The following PTGER4 variants were observed in gnomAD, a reference collection of about 807,000 sequenced individuals.
PTGER4 encodes prostaglandin E2 receptor EP4 subtype.
Under a neutral mutation model 33.2 loss-of-function variants are expected in PTGER4, and 11 were observed. The observed-to-expected ratio is 0.33, with a 90% CI of 0.21 to 0.55. The LOEUF (loss-of-function observed/expected upper bound fraction) is 0.55. PTGER4 is among the 20% of genes least tolerant of loss of function. The probability of loss-of-function intolerance (pLI) is 0.92; values close to 1 mark genes in which losing one functional copy is unlikely to be tolerated. For missense variants in PTGER4, 481 were observed against 650.2 expected (o/e 0.74, Z 2.83); for synonymous variants, 275 against 281.5 (o/e 0.98, Z 0.23).
At chr5:40,734,983 C>T in the PTGER4 span, among the ~76,000 whole-genome samples, 1 of 152,168 alleles carries the variant, frequency 6.6e-6, no homozygotes, top group Admixed American at 6.5e-5. Context: ...AAGCTGAGAC[C>T]TGAGTGACAA....
chr5:40,706,330 G>C, the PTGER4 span, among the ~76,000 whole-genome samples: 1 of 152,120 alleles, frequency 6.6e-6, no homozygotes, highest in Non-Finnish European at 1.5e-5. Flanking sequence ...CTACCTGAGT[G>C]GGGAGGGTGG....
chr5:40,742,903 G>A, the PTGER4 span, among the ~76,000 whole-genome samples: 5 of 152,184 alleles, frequency 3.3e-5, no homozygotes, highest in Admixed American at 6.5e-5. Context: ...TTATAAAAAC[G>A]TTTTTAGCCA....
At chr5:40,712,548 T>C in the PTGER4 span, among the ~76,000 whole-genome samples, 2 of 152,190 alleles carry the variant, frequency 1.3e-5, no homozygotes, top group Non-Finnish European at 2.9e-5. Context: ...TAGACAGACC[T>C]GCTTACTAAG....
rs1741476051 is a variant in PTGER4 at position 40,691,707 on chromosome 5, G to A, written c.868-72G>A. ...AAGGCAGCTTCCTAATATTGATAAGGTAGACATAGCATTTATATGTTTTCC... is the reference window on the plus strand; with the variant it reads ...AAGGCAGCTTCCTAATATTGATAAGATAGACATAGCATTTATATGTTTTCC... On this transcript the variant is annotated intron_variant, in intron 2 of 2. Coordinates refer to ENST00000302472, the MANE Select transcript of PTGER4 (RefSeq NM_000958.3). The surrounding 1 kb of genome is among the most constrained non-coding windows in gnomAD (Gnocchi z 4.2). 2.0e-6 allele frequency: 3 copies of A among 1,526,832 alleles called. No individual in the cohort carries two copies. Among genetic ancestry groups the A allele is most frequent in the Non-Finnish European group, 2.6e-6 (3 of 1,132,092 alleles). The allele number at this position is 1,526,832 out of a possible 1,614,324, so 94.6% of individuals were successfully genotyped here.
At chr5:40,704,348 G>A in the PTGER4 span, among the ~76,000 whole-genome samples, 1 of 152,152 alleles carries the variant, frequency 6.6e-6, no homozygotes, top group Non-Finnish European at 1.5e-5. Flanking sequence ...AATAGTAAGA[G>A]CCATCTATGA....
chr5:40,746,385 T>C, the PTGER4 span, among the ~76,000 whole-genome samples: 1 of 151,288 alleles, frequency 6.6e-6, no homozygotes, highest in Non-Finnish European at 1.5e-5. Flanking sequence ...AAATACCTAT[T>C]TTTTTTTATG....
the PTGER4 span, among the ~76,000 whole-genome samples, chr5:40,705,601 T>C: frequency 1.6e-4 from 25 of 152,114 alleles, no homozygotes; most frequent in Non-Finnish European, 7.4e-5. Context: ...ATATCCAGCA[T>C]CTATAAGGAA....
At chr5:40,739,716 G>T in the PTGER4 span, among the ~76,000 whole-genome samples, 3 of 152,290 alleles carry the variant, frequency 2.0e-5, no homozygotes, top group Admixed American at 1.3e-4. Context: ...ACAGAACCGT[G>T]AGCCAATTAA....
chr5:40,724,045 A>T, the PTGER4 span, among the ~76,000 whole-genome samples: 1 of 152,248 alleles, frequency 6.6e-6, no homozygotes, highest in Non-Finnish European at 1.5e-5. Flanking sequence ...TATCCAAAAG[A>T]ATCAAGATCT....
the PTGER4 span, among the ~76,000 whole-genome samples, chr5:40,720,026 A>G: frequency 1.3e-5 from 2 of 151,986 alleles, no homozygotes; most frequent in African/African-American, 4.8e-5. Context: ...TTTGAAGCAC[A>G]AAAGTGTTTA....
downstream of PTGER4, among the ~76,000 whole-genome samples, chr5:40,696,483 C>T (rs180837355): frequency 2.0e-5 from 3 of 152,282 alleles, no homozygotes; most frequent in East Asian, 5.8e-4. Context: ...CAAGAGAGAG[C>T]ATTTGGTCCC....
At chr5:40,723,353 T>C in the PTGER4 span, among the ~76,000 whole-genome samples, 5 of 152,058 alleles carry the variant, frequency 3.3e-5, no homozygotes, top group African/African-American at 1.2e-4. Context: ...CACATGTTTA[T>C]CTGCTGACCT....
the PTGER4 span, among the ~76,000 whole-genome samples, chr5:40,724,634 A>G: frequency 6.6e-6 from 1 of 152,096 alleles, no homozygotes; most frequent in Non-Finnish European, 1.5e-5. Context: ...CTCCATCTCA[A>G]AAAAACAAAA....
At chr5:40,723,913 G>A in the PTGER4 span, among the ~76,000 whole-genome samples, 1 of 152,126 alleles carries the variant, frequency 6.6e-6, no homozygotes, top group African/African-American at 2.4e-5. Context: ...TGAGGTTATG[G>A]AGAAACTGGA....
the PTGER4 span, among the ~76,000 whole-genome samples, chr5:40,746,524 A>G: frequency 6.6e-6 from 1 of 152,154 alleles, no homozygotes; most frequent in Admixed American, 6.6e-5. Context: ...CTTAGCATTT[A>G]CTCTTCTTTA....
At chr5:40,726,553 A>T in the PTGER4 span, among the ~76,000 whole-genome samples, 66 of 151,894 alleles carry the variant, frequency 4.3e-4, no homozygotes, top group African/African-American at 1.5e-3. Context: ...TAAATGGCAA[A>T]AAAAAAATAC....
At chr5:40,711,109 C>T in the PTGER4 span, among the ~76,000 whole-genome samples, 1 of 151,062 alleles carries the variant, frequency 6.6e-6, no homozygotes, top group Admixed American at 6.6e-5. Flanking sequence ...AGAAAACAAA[C>T]AAGCAAGCTG....
the PTGER4 span, among the ~76,000 whole-genome samples, chr5:40,713,672 A>C: frequency 1.3e-5 from 2 of 152,218 alleles, no homozygotes; most frequent in South Asian, 4.1e-4. Flanking sequence ...CACTCTGACT[A>C]ATGAGTGTCT....
At position 40,691,932 on chromosome 5, in the gene PTGER4, A is replaced by G. The variant is rs779201096; in HGVS notation, c.1021A>G (p.Ile341Val). Residue 341 changes from isoleucine to valine, a missense_variant, in exon 3 of 3, where the codon ATA (isoleucine) becomes GTA (valine). Around this residue, in one of 7 missense-constraint regions of PTGER4, gnomAD observed 172 missense variants for 199.2 expected, o/e 0.86. Transcript: ENST00000302472. This position sits in a 1 kb window ranked among gnomAD's most constrained non-coding sequence, Gnocchi z 4.2. ...LLRKTVLSKAIEKIKCLFCRI... is the reference protein window; with the variant it reads ...LLRKTVLSKAVEKIKCLFCRI... ...GAGAAAGACAGTGCTCAGTAAAGCA[A>G]TAGAGAAGATCAAATGCCTCTTCTG... 7 of 1,614,256 alleles carry G rather than the reference A, an allele frequency of 4.3e-6. No homozygotes were observed. The highest frequency in any genetic ancestry group is 1.6e-4 in the Middle Eastern group (1 of 6,062).
Sources: gnomAD v4.1 joint callset for allele counts (sites outside exome capture counted in the v4.1 genomes callset) on GRCh38, gnomAD v4.1.1 for gene constraint, gnomAD v4.1.1 regional missense constraint, Gnocchi (gnomAD v3.1) non-coding constraint, MANE v1.5 for transcripts, NCBI Gene and HGNC (gene_info 2026-07-23, HGNC 2026-07-21) for gene names.